Variants in PAMR1 observed in about 807,000 individuals in gnomAD.
PAMR1 encodes peptidase domain containing associated with muscle regeneration 1.
PAMR1 carries 88 observed loss-of-function variants against 81.8 expected under a neutral mutation model. The ratio of observed to expected loss-of-function variants is 1.08; its 90% CI spans 0.91 to 1.28. PAMR1 has a LOEUF of 1.28. Ranked by LOEUF, PAMR1 falls within the 50% of genes most tolerant of loss-of-function variation. The pLI is 0.00. For synonymous variants in PAMR1, 336 were observed against 345.3 expected (o/e 0.97, Z 0.30); for missense variants, 935 against 919.7 (o/e 1.02, Z -0.21).
At chr11:35,438,865 G>A (rs1856105112) in intron 8 of PAMR1, among the ~76,000 whole-genome samples, 1 of 152,160 alleles carries the variant, frequency 6.6e-6, no homozygotes. Flanking sequence ...AGGATATTTA[G>A]GGAAGATCTC....
upstream of PAMR1, chr11:35,530,126 A>G (rs1040475296): frequency 5.3e-5 from 8 of 152,258 alleles, no homozygotes; most frequent in African/African-American, 1.9e-4. Context: ...AACCTATAAG[A>G]GGCATCCCAG....
intron 7 of PAMR1, among the ~76,000 whole-genome samples, chr11:35,440,390 T>A (rs1856140156): frequency 6.6e-6 from 1 of 152,162 alleles, no homozygotes; most frequent in East Asian, 1.9e-4. Context: ...GAAATAAAAA[T>A]CAGAATTTGT....
intron 6 of PAMR1, among the ~76,000 whole-genome samples, chr11:35,453,087 C>A (rs1320853085): frequency 1.3e-5 from 2 of 152,178 alleles, no homozygotes; most frequent in Non-Finnish European, 2.9e-5. Context: ...TACATAATGT[C>A]CCCAAGCCTT....
intron 3 of PAMR1, among the ~76,000 whole-genome samples, chr11:35,491,339 G>A (rs1021589683): frequency 6.6e-6 from 1 of 152,148 alleles, no homozygotes; most frequent in Admixed American, 6.5e-5. Context: ...ATTCATAGGA[G>A]TAAAATTAGA....
chr11:35,518,614 T>A (rs949989363), intron 1 of PAMR1, among the ~76,000 whole-genome samples: 1 of 143,222 alleles, frequency 7.0e-6, no homozygotes, highest in Non-Finnish European at 1.5e-5. Context: ...TACTTCAAGT[T>A]GTTTGACCAC....
intron 6 of PAMR1, among the ~76,000 whole-genome samples, chr11:35,460,489 C>T (rs1397788826): frequency 2.0e-5 from 3 of 152,112 alleles, no homozygotes; most frequent in African/African-American, 4.8e-5. Flanking sequence ...CCCCACCCCA[C>T]AACAGGCCCT....
chr11:35,440,103 A>C (rs1392852586), intron 7 of PAMR1, among the ~76,000 whole-genome samples: 1 of 152,228 alleles, frequency 6.6e-6, no homozygotes, highest in African/African-American at 2.4e-5. Flanking sequence ...CAGCAGTGTC[A>C]ACCATAGATA....
intron 6 of PAMR1, among the ~76,000 whole-genome samples, chr11:35,452,292 T>C (rs947670858): frequency 6.6e-6 from 1 of 151,720 alleles, no homozygotes; most frequent in Admixed American, 6.6e-5. Context: ...AAAAGATGGC[T>C]TAAAAAAACT....
chr11:35,436,625 TTCTG>T (rs1239428125), intron 8 of PAMR1, among the ~76,000 whole-genome samples: 2 of 139,138 alleles, frequency 1.4e-5, no homozygotes, highest in African/African-American at 2.7e-5. Flanking sequence ...GTTTCTCTCT[TTCTG>T]TCTCTCTGTT....
At chr11:35,450,760 A>G (rs1318057831) in intron 6 of PAMR1, among the ~76,000 whole-genome samples, 1 of 152,268 alleles carries the variant, frequency 6.6e-6, no homozygotes, top group Non-Finnish European at 1.5e-5. Flanking sequence ...CGTTTCTAAC[A>G]TAATTCAGAT....
chr11:35,441,169 C>T (rs140632401), intron 7 of PAMR1, among the ~76,000 whole-genome samples: 2,202 of 152,208 alleles, frequency 0.014, 25 homozygotes, highest in Non-Finnish European at 0.021. Flanking sequence ...TTATACATTG[C>T]CTCAATTCTA....
intron 1 of PAMR1, among the ~76,000 whole-genome samples, chr11:35,501,139 T>C (rs1850831340): frequency 6.6e-6 from 1 of 150,924 alleles, no homozygotes; most frequent in Non-Finnish European, 1.5e-5. Context: ...TTTTCTTTTT[T>C]TTTTTTTTTG....
upstream of PAMR1, among the ~76,000 whole-genome samples, chr11:35,526,668 C>G (rs642410): frequency 6.6e-6 from 1 of 151,982 alleles, no homozygotes; most frequent in Non-Finnish European, 1.5e-5. Context: ...TGAACCCGGG[C>G]AGCTTAGGCC....
At chr11:35,513,228 C>A (rs116335887) in intron 1 of PAMR1, 2 of 152,200 alleles carry the variant, frequency 1.3e-5, no homozygotes, top group African/African-American at 4.8e-5. Flanking sequence ...ACCTTCACAG[C>A]ACTTTCTATA....
chr11:35,469,049 T>A (rs1209579858), intron 5 of PAMR1, among the ~76,000 whole-genome samples: 2 of 152,134 alleles, frequency 1.3e-5, no homozygotes, highest in African/African-American at 2.4e-5. Flanking sequence ...GTTAGTGTAT[T>A]ACGAAGAAAG....
chr11:35,524,097 C>T (rs751314860), intron 1 of PAMR1, among the ~76,000 whole-genome samples: 15 of 152,206 alleles, frequency 9.9e-5, no homozygotes, highest in Non-Finnish European at 1.6e-4. Context: ...GCTGGTCCAC[C>T]GACACCATGC....
At chr11:35,443,071 C>A (rs990993667) in intron 6 of PAMR1, among the ~76,000 whole-genome samples, 1 of 152,146 alleles carries the variant, frequency 6.6e-6, no homozygotes, top group African/African-American at 2.4e-5. Flanking sequence ...ACCCTTGCCA[C>A]CTTTTCTGTC....
At chr11:35,479,851 T>C (rs544775426) in intron 3 of PAMR1, among the ~76,000 whole-genome samples, 1 of 152,194 alleles carries the variant, frequency 6.6e-6, no homozygotes, top group African/African-American at 2.4e-5. Flanking sequence ...ATCTGTCACA[T>C]GGCTGTGACA....
chr11:35,441,100 T>C (rs1007233476), intron 7 of PAMR1, among the ~76,000 whole-genome samples: 1 of 152,250 alleles, frequency 6.6e-6, no homozygotes, highest in African/African-American at 2.4e-5. Flanking sequence ...TTTGTTCTTT[T>C]ATTTCTCACA....
Sources: gnomAD v4.1 joint callset for allele counts (sites outside exome capture counted in the v4.1 genomes callset) on GRCh38, gnomAD v4.1.1 for gene constraint, MANE v1.5 for transcripts, NCBI Gene and HGNC (gene_info 2026-07-23, HGNC 2026-07-21) for gene names.